EMG1: variants seen among roughly 807,000 people sequenced by gnomAD.
EMG1 encodes EMG1 N1-specific pseudouridine methyltransferase, also known as ribosomal RNA small subunit methyltransferase NEP1.
A neutral mutation model predicts 26.9 loss-of-function variants in EMG1; 24 were observed. The observed-to-expected ratio is 0.89, with a 90% CI of 0.65 to 1.26. The LOEUF is 1.26. Ranked by LOEUF, EMG1 falls within the 50% of genes most tolerant of loss-of-function variation. The pLI is 0.00. For missense variants in EMG1, 299 were observed against 307.6 expected (o/e 0.97, Z 0.21); for synonymous variants, 140 against 112.6 (o/e 1.24, Z -1.54).
intron 7 of EMG1, among the ~76,000 whole-genome samples, chr12:6,994,348 C>A (rs968265271): frequency 3.7e-4 from 56 of 152,258 alleles, no homozygotes; most frequent in African/African-American, 1.3e-3. Context: ...GCTGGGATTA[C>A]AGGTGTGCAC....
In EMG1 at chr12:6,977,178, G is replaced by C; in HGVS notation, c.*1369G>C. ...ATCTTCTTTAACTTCTCTTTCCTTGGCACCATTGCTTTGTGAATATAAGGC... is the reference window on the plus strand; with the variant it reads ...ATCTTCTTTAACTTCTCTTTCCTTGCCACCATTGCTTTGTGAATATAAGGC... On this transcript the variant is annotated 3_prime_UTR_variant, in exon 6 of 6. Coordinates refer to ENST00000599672, the MANE Select transcript of EMG1 (RefSeq NM_006331.8). This position sits in a 1 kb window ranked among gnomAD's most constrained non-coding sequence, Gnocchi z 4.5. The C allele has an allele frequency of 1.9e-6, 3 of 1,612,788 alleles. No homozygotes were observed. Among genetic ancestry groups the C allele is most frequent in the Non-Finnish European group, 2.5e-6 (3 of 1,178,852 alleles).
In EMG1 at chr12:6,978,005, A is replaced by G. The variant is rs945386928; in HGVS notation, c.*2196A>G. 3 of 560,540 alleles carry G rather than the reference A, an allele frequency of 5.4e-6. No individual in the cohort carries two copies. The highest frequency in any genetic ancestry group is 9.6e-6 in the Non-Finnish European group (3 of 313,938). 34.7% of individuals were successfully genotyped at this position (560,540 alleles called of 1,614,324 possible). A position where few individuals can be genotyped will look rare whatever the true frequency, so the allele number is the denominator to read the frequency against. ...AGGCTGATGCTGAGATCAGTGGTGA[A>G]CCAGACACTCTACTCAAGCTGCCCA... On this transcript the variant is annotated 3_prime_UTR_variant, in exon 6 of 6. Coordinates refer to ENST00000599672, the MANE Select transcript of EMG1 (RefSeq NM_006331.8).
intron 7 of EMG1, among the ~76,000 whole-genome samples, chr12:6,994,189 A>G (rs1415188701): frequency 6.6e-6 from 1 of 152,048 alleles, no homozygotes; most frequent in Admixed American, 6.6e-5. Context: ...TATACCTAGG[A>G]ATGGATCTCC....
chr12:6,983,099 G>A (rs1555154358), downstream of EMG1: 1 of 510,708 alleles, frequency 2.0e-6, no homozygotes, highest in South Asian at 1.7e-5. Context: ...GCTTGTTACT[G>A]TATTTTTGAA....
intron 7 of EMG1, among the ~76,000 whole-genome samples, chr12:6,995,621 T>TAAAA (rs1555155947): frequency 1.3e-5 from 2 of 152,102 alleles, no homozygotes; most frequent in Non-Finnish European, 2.9e-5. Context: ...GATTTGCAGT[T>TAAAA]AAAACCCTTA....
chr12:6,975,515 TC>T, intron 5 of EMG1, 137 bp downstream of exon 5: 1 of 1,064,108 alleles, frequency 9.4e-7, no homozygotes, highest in East Asian at 2.6e-5. Flanking sequence ...CCAGGGCACA[TC>T]CTTTGAGGGC....
At chr12:6,983,247 C>G, downstream of EMG1, 1 of 539,568 alleles carries the variant, frequency 1.9e-6, no homozygotes, top group Non-Finnish European at 3.3e-6. Context: ...TTTTATCTGA[C>G]AGAAGAATGT....
At chr12:6,971,839 T>C (rs1202007341) in intron 1 of EMG1, among the ~76,000 whole-genome samples, 2 of 152,230 alleles carry the variant, frequency 1.3e-5, no homozygotes, top group Admixed American at 6.5e-5. Flanking sequence ...CCACCTATGA[T>C]ACACTGTCCA....
rs368907259 is a variant in EMG1 at position 6,971,101 on chromosome 12, G to C, written c.168+10G>C. On this transcript the variant is annotated intron_variant, in intron 1 of 5. Coordinates refer to ENST00000599672, the MANE Select transcript of EMG1 (RefSeq NM_006331.8). ...TCTGGAGACAGTCAAGGTAGTTTGGGACAGGAAGTGGAGAAGTAGTAAATC... is the reference window on the plus strand; with the variant it reads ...TCTGGAGACAGTCAAGGTAGTTTGGCACAGGAAGTGGAGAAGTAGTAAATC... 1.9e-6 allele frequency: 3 copies of C among 1,606,556 alleles called. No homozygotes were observed. The highest frequency in any genetic ancestry group is 2.7e-5 in the African/African-American group (2 of 74,766).
At chr12:6,990,992 C>G (rs1555155455), downstream of EMG1, among the ~76,000 whole-genome samples, 3 of 146,338 alleles carry the variant, frequency 2.1e-5, no homozygotes, top group African/African-American at 7.6e-5. Context: ...AAAATATTAA[C>G]AGTAAAACTA....
At chr12:6,992,846 A>G (rs1946601621), downstream of EMG1, among the ~76,000 whole-genome samples, 1 of 152,328 alleles carries the variant, frequency 6.6e-6, no homozygotes, top group South Asian at 2.1e-4. Context: ...AGTCCCTTAT[A>G]TAATATGGTG....
intron 6 of EMG1, among the ~76,000 whole-genome samples, chr12:6,985,879 A>G (rs1487664609): frequency 2.0e-5 from 3 of 149,156 alleles, no homozygotes; most frequent in Non-Finnish European, 3.0e-5. Context: ...GGTTCAAGCG[A>G]TTCTCCTGCT....
chr12:6,995,579 C>A (rs1361893794), intron 7 of EMG1, among the ~76,000 whole-genome samples: 1 of 152,098 alleles, frequency 6.6e-6, no homozygotes, highest in Non-Finnish European at 1.5e-5. Flanking sequence ...TCACTGTCAC[C>A]ATGACCATCA....
intron 1 of EMG1, among the ~76,000 whole-genome samples, chr12:6,972,066 CTTTTTTT>C (rs11292192): frequency 4.0e-5 from 5 of 124,700 alleles, no homozygotes; most frequent in Non-Finnish European, 6.7e-5. Context: ...TCTAAATACA[CTTTTTTT>C]TTTTTTTTTT....
downstream of EMG1, chr12:6,981,811 C>T: frequency 6.2e-7 from 1 of 1,611,744 alleles, no homozygotes; most frequent in Non-Finnish European, 8.5e-7. Flanking sequence ...CATCACTCAC[C>T]AATCAGCTTC....
downstream of EMG1, chr12:6,980,021 C>CT (rs34110645): frequency 0.21 from 25,356 of 122,756 alleles, 4,159 homozygotes; most frequent in African/African-American, 0.46. Flanking sequence ...GGCAATTAAA[C>CT]TTTTTTTTTT....
chr12:6,981,038 C>G, downstream of EMG1: 3 of 1,607,902 alleles, frequency 1.9e-6, no homozygotes, highest in African/African-American at 4.0e-5. Context: ...TCAATCAGCT[C>G]TCCCTGCACC....
chr12:6,996,452 T>G (rs1408716774), intron 7 of EMG1, among the ~76,000 whole-genome samples: 1 of 152,242 alleles, frequency 6.6e-6, no homozygotes, highest in East Asian at 1.9e-4. Flanking sequence ...TATTACCTTT[T>G]GACATACCAT....
chr12:6,992,146 C>T (rs1463124908), downstream of EMG1, among the ~76,000 whole-genome samples: 3 of 151,850 alleles, frequency 2.0e-5, no homozygotes, highest in Non-Finnish European at 4.4e-5. Context: ...AGAGTGAAAC[C>T]CCATCTCTAA....
Sources: allele counts gnomAD v4.1 joint callset (sites outside exome capture counted in the v4.1 genomes callset), GRCh38; gene constraint gnomAD v4.1.1; non-coding constraint Gnocchi (gnomAD v3.1); transcripts MANE v1.5; gene names NCBI Gene and HGNC (gene_info 2026-07-23, HGNC 2026-07-21).